Variants in SH3RF3 observed in about 807,000 individuals in gnomAD.
SH3RF3 encodes the protein SH3 domain containing ring finger 3.
In SH3RF3, 29 loss-of-function variants were observed where a neutral mutation model predicts 66.3. That is an observed-to-expected ratio of 0.44 (90% confidence interval 0.33 to 0.60). The LOEUF (loss-of-function observed/expected upper bound fraction) is 0.60, where lower values mean the gene tolerates loss of function less well. SH3RF3 is among the 20% of genes least tolerant of loss of function. The pLI is 0.04. For missense variants in SH3RF3, 1,194 were observed against 1,190.9 expected (o/e 1.00, Z -0.04); for synonymous variants, 583 against 532.0 (o/e 1.10, Z -1.32).
intron 8 of SH3RF3, among the ~76,000 whole-genome samples, chr2:109,453,577 C>T (rs561016629): frequency 3.3e-5 from 5 of 152,252 alleles, no homozygotes; most frequent in African/African-American, 4.8e-5. Context: ...ACCACCCGAC[C>T]GGCCATCACT....
At chr2:109,415,980 A>G (rs1676712142) in intron 4 of SH3RF3, among the ~76,000 whole-genome samples, 1 of 152,196 alleles carries the variant, frequency 6.6e-6, no homozygotes, top group Non-Finnish European at 1.5e-5. Context: ...AAGAAGCAGC[A>G]GCAGGACCTG....
chr2:109,323,836 T>C (rs535033444), intron 1 of SH3RF3, among the ~76,000 whole-genome samples: 1 of 152,384 alleles, frequency 6.6e-6, no homozygotes, highest in African/African-American at 2.4e-5. Context: ...TTTTAGCTTT[T>C]CTTATGTTTT....
intron 1 of SH3RF3, among the ~76,000 whole-genome samples, chr2:109,257,889 C>T (rs1680258494): frequency 6.6e-6 from 1 of 152,168 alleles, no homozygotes; most frequent in Non-Finnish European, 1.5e-5. Context: ...CACTGCTTCT[C>T]TGACACCAGG....
chr2:109,331,675 T>C (rs1682289516), intron 1 of SH3RF3, among the ~76,000 whole-genome samples: 1 of 152,200 alleles, frequency 6.6e-6, no homozygotes, highest in South Asian at 2.1e-4. Flanking sequence ...AAGGTAGAGA[T>C]GTTTTTATCT....
At chr2:109,222,001 G>T (rs1402162603) in intron 1 of SH3RF3, among the ~76,000 whole-genome samples, 1 of 152,018 alleles carries the variant, frequency 6.6e-6, no homozygotes, top group Non-Finnish European at 1.5e-5. Flanking sequence ...AAACACAGGG[G>T]ATACTATTCA....
At chr2:109,131,139 G>A (rs559532410) in intron 1 of SH3RF3, among the ~76,000 whole-genome samples, 3 of 152,294 alleles carry the variant, frequency 2.0e-5, no homozygotes, top group East Asian at 1.9e-4. Context: ...GAAATGCTGG[G>A]AACATTCTAG....
At chr2:109,490,012 A>C (rs1679089936) in intron 8 of SH3RF3, among the ~76,000 whole-genome samples, 1 of 152,170 alleles carries the variant, frequency 6.6e-6, no homozygotes, top group African/African-American at 2.4e-5. Context: ...TGCTGAGATT[A>C]CAGGCATGAG....
intron 3 of SH3RF3, among the ~76,000 whole-genome samples, chr2:109,386,429 A>C (rs10185258): frequency 0.8 from 120,512 of 151,536 alleles, 48,385 homozygotes; most frequent in African/African-American, 0.91. Context: ...AAAAAAAAAA[A>C]AAAACACTGT....
At chr2:109,235,436 A>T (rs1041142586) in intron 1 of SH3RF3, among the ~76,000 whole-genome samples, 2 of 152,144 alleles carry the variant, frequency 1.3e-5, no homozygotes, top group Non-Finnish European at 2.9e-5. Context: ...GTACCATACA[A>T]ATCAGGTTAC....
intron 1 of SH3RF3, among the ~76,000 whole-genome samples, chr2:109,281,325 G>C (rs894098998): frequency 1.4e-4 from 21 of 152,326 alleles, no homozygotes; most frequent in Non-Finnish European, 2.5e-4. Context: ...CCTTCCCCGG[G>C]CCCCCTCCGT....
chr2:109,316,436 G>A (rs1422475686), intron 1 of SH3RF3, among the ~76,000 whole-genome samples: 2 of 152,230 alleles, frequency 1.3e-5, no homozygotes, highest in Non-Finnish European at 2.9e-5. Context: ...GAACACAGGT[G>A]TGATGTCAGT....
intron 1 of SH3RF3, among the ~76,000 whole-genome samples, chr2:109,338,372 G>C (rs567190790): frequency 1.3e-5 from 2 of 152,046 alleles, no homozygotes; most frequent in South Asian, 2.1e-4. Context: ...TGAGCGCTGG[G>C]GACCCAGTTC....
At chr2:109,246,791 G>A (rs1205132646) in intron 1 of SH3RF3, among the ~76,000 whole-genome samples, 4 of 152,214 alleles carry the variant, frequency 2.6e-5, no homozygotes, top group Non-Finnish European at 5.9e-5. Context: ...CGCTTGCTCT[G>A]AGTTGAACTG....
chr2:109,162,189 G>C (rs371015499), intron 1 of SH3RF3, among the ~76,000 whole-genome samples: 1 of 152,166 alleles, frequency 6.6e-6, no homozygotes, highest in East Asian at 1.9e-4. Context: ...CAGATACCAT[G>C]GACCTTACTT....
chr2:109,398,452 C>A lies in SH3RF3; in HGVS notation c.946-138C>A, dbSNP rs1676211357. 7.5e-6 allele frequency: 6 copies of A among 803,620 alleles called. No individual in the cohort carries two copies. The South Asian group carries it at 1.1e-4, about 15-fold the overall frequency. 49.8% of individuals were successfully genotyped at this position (803,620 alleles called of 1,614,324 possible). ...ACCTATGCCACCCCACCAGCCTCTTCTGTGTTTTCCCTGCAGTCTGACGGA... is the reference window on the plus strand; with the variant it reads ...ACCTATGCCACCCCACCAGCCTCTTATGTGTTTTCCCTGCAGTCTGACGGA... On this transcript the variant is annotated intron_variant, in intron 3 of 9. Coordinates refer to ENST00000309415, the MANE Select transcript of SH3RF3 (RefSeq NM_001099289.3).
intron 8 of SH3RF3, among the ~76,000 whole-genome samples, chr2:109,482,869 T>C (rs1181119281): frequency 6.6e-6 from 1 of 152,196 alleles, no homozygotes; most frequent in African/African-American, 2.4e-5. Flanking sequence ...CACTGGCTGC[T>C]GCCTCCCGTT....
chr2:109,271,017 A>ATTTACTATGTGTTCATGTG (rs1316502530), intron 1 of SH3RF3, among the ~76,000 whole-genome samples: 2 of 152,124 alleles, frequency 1.3e-5, no homozygotes, highest in Non-Finnish European at 2.9e-5. Context: ...CTCATTGAAC[A>ATTTACTATGTGTTCATGTG]TTTACTATGT....
Position 109,490,894 on chromosome 2 carries a change from T to C in SH3RF3, c.2438T>C (p.Met813Thr). ...TSPSRQAPLS[M>T]AAIRPEPKLL... ...CCTTCCCGGCAAGCTCCGCTGTCCA[T>C]GGCTGCCATCCGCCCCGAGCCCAAG... Residue 813 changes from methionine to threonine, a missense_variant, in exon 9 of 10, where the codon ATG becomes ACG. Met to Thr is a moderately conservative substitution (Grantham distance 81). Coordinates refer to ENST00000309415, the MANE Select transcript of SH3RF3 (RefSeq NM_001099289.3). 5.2e-6 allele frequency: 8 copies of C among 1,526,644 alleles called. No homozygotes were observed. Among genetic ancestry groups the C allele is most frequent in the African/African-American group, 1.4e-5 (1 of 73,012 alleles). 94.6% of individuals were successfully genotyped at this position (1,526,644 alleles called of 1,614,324 possible).
chr2:109,490,633 T>C lies in SH3RF3; in HGVS notation c.2177T>C (p.Leu726Pro). Residue 726 changes from leucine (L) to proline (P), a missense_variant, in exon 9 of 10, where the codon CTT becomes CCT. Coordinates refer to ENST00000309415, the MANE Select transcript of SH3RF3 (RefSeq NM_001099289.3). Reference protein sequence around the residue: ...KKEKKSGLLKLLAGASTKKKS... With the variant: ...KKEKKSGLLKPLAGASTKKKS... ...GAGAAGAAGAGTGGGCTCCTGAAGC[T>C]TCTAGCCGGAGCATCCACCAAGAAG... 1 of 1,482,702 alleles carries C rather than the reference T, an allele frequency of 6.7e-7. No individual in the cohort carries two copies. The highest frequency in any genetic ancestry group is 9.0e-7 in the Non-Finnish European group (1 of 1,114,036). The allele number at this position is 1,482,702 out of a possible 1,614,324, so 91.8% of individuals were successfully genotyped here.
Sources: allele counts gnomAD v4.1 joint callset (sites outside exome capture counted in the v4.1 genomes callset), GRCh38; gene constraint gnomAD v4.1.1; transcripts MANE v1.5; gene names NCBI Gene and HGNC (gene_info 2026-07-23, HGNC 2026-07-21).